SYN2: variants seen among roughly 807,000 people sequenced by gnomAD.
SYN2 encodes synapsin II, also known as synapsin-2.
Under a neutral mutation model 50.9 loss-of-function variants are expected in SYN2, and 19 were observed. The observed-to-expected ratio is 0.37, with a 90% CI of 0.26 to 0.55. The LOEUF is 0.55. Among genes scored for constraint, SYN2 ranks in the 20% least tolerant of loss-of-function variants. The pLI, the probability that SYN2 is intolerant of heterozygous loss-of-function variation, is 0.81. For synonymous variants in SYN2, 255 were observed against 224.9 expected (o/e 1.13, Z -1.20); for missense variants, 587 against 576.4 (o/e 1.02, Z -0.19).
chr3:12,060,497 G>A (rs79779580), intron 1 of SYN2, among the ~76,000 whole-genome samples: 2 of 152,280 alleles, frequency 1.3e-5, no homozygotes, highest in Non-Finnish European at 2.9e-5. Flanking sequence ...GAAGGTGACA[G>A]GCCCACTGAA....
Position 12,141,952 on chromosome 3 carries a change from T to C in SYN2, c.483T>C (p.Tyr161=), listed in dbSNP as rs770569633. ...LNLVAHADGT[Y]AVDMQVLRNG... is the part of the protein sequence containing the mutation. ...TGGTGGCCCATGCAGATGGCACCTA[T>C]GCTGTGGATATGCAGGTTCTCCGGA... The change falls in exon 3 of 13, where the codon TAT becomes TAC. Residue 161 remains tyrosine (Y), a synonymous_variant. Coordinates refer to ENST00000621198, the MANE Select transcript of SYN2 (RefSeq NM_133625.6). 1 of 780,872 alleles carries C rather than the reference T, an allele frequency of 1.3e-6. No individual in the cohort carries two copies. 48.4% of individuals were successfully genotyped at this position (780,872 alleles called of 1,614,324 possible). A position where few individuals can be genotyped will look rare whatever the true frequency, so the allele number is the denominator to read the frequency against.
chr3:12,019,657 GAA>G, intron 1 of SYN2, among the ~76,000 whole-genome samples: 1 of 152,228 alleles, frequency 6.6e-6, no homozygotes. Context: ...CCCTTGGAAG[GAA>G]ATTGTAGTAT....
intron 1 of SYN2, among the ~76,000 whole-genome samples, chr3:12,045,310 A>G (rs1483182998): frequency 6.6e-6 from 1 of 152,218 alleles, no homozygotes; most frequent in African/African-American, 2.4e-5. Flanking sequence ...TTTCTGATGC[A>G]GTAAAAAGGA....
At chr3:12,006,950 G>A (rs1470243582) in intron 1 of SYN2, among the ~76,000 whole-genome samples, 1 of 152,192 alleles carries the variant, frequency 6.6e-6, no homozygotes, top group African/African-American at 2.4e-5. Flanking sequence ...TTCTGTGCAG[G>A]AATTTGACCC....
At chr3:12,007,540 G>A (rs1456415909) in intron 1 of SYN2, among the ~76,000 whole-genome samples, 1 of 152,164 alleles carries the variant, frequency 6.6e-6, no homozygotes, top group Middle Eastern at 3.2e-3. Flanking sequence ...TAGTAAAATT[G>A]TCTCACAGTT....
chr3:12,074,162 A>G (rs1040923927), intron 1 of SYN2, among the ~76,000 whole-genome samples: 2 of 152,048 alleles, frequency 1.3e-5, no homozygotes, highest in Non-Finnish European at 2.9e-5. Flanking sequence ...AGTTTTGTCT[A>G]ATTTTAGCCT....
At chr3:12,081,353 T>C (rs889713631) in intron 1 of SYN2, among the ~76,000 whole-genome samples, 7 of 152,218 alleles carry the variant, frequency 4.6e-5, no homozygotes, top group African/African-American at 1.7e-4. Context: ...GTTCCAGATA[T>C]TTTGTATTTC....
chr3:12,019,897 C>CT (rs2125134960), intron 1 of SYN2, among the ~76,000 whole-genome samples: 1 of 152,256 alleles, frequency 6.6e-6, no homozygotes, highest in East Asian at 1.9e-4. Flanking sequence ...ACTCTGTACC[C>CT]TTTCTCTGTG....
chr3:12,096,919 A>G (rs748822030), intron 1 of SYN2, among the ~76,000 whole-genome samples: 10 of 152,186 alleles, frequency 6.6e-5, no homozygotes, highest in Non-Finnish European at 1.5e-4. Context: ...AAGTATACCA[A>G]CATAAACAAT....
At chr3:12,068,412 C>T (rs892635251) in intron 1 of SYN2, among the ~76,000 whole-genome samples, 9 of 152,130 alleles carry the variant, frequency 5.9e-5, no homozygotes, top group Non-Finnish European at 1.3e-4. Context: ...TCCCTGAAAG[C>T]ATTTGGAATT....
chr3:12,013,261 C>G lies in SYN2; in HGVS notation c.377+8333C>G, dbSNP rs567674486. ...CAAGATTACAGGCATGAGCCACCAC[C>G]CCCAGCCTCTTTGTTCTCTTCATAC... On this transcript the variant is annotated intron_variant, in intron 1 of 12. Transcript: ENST00000621198. 6.6e-5 allele frequency among the ~76,000 whole-genome samples: 10 copies of G among 152,274 alleles called. No individual in the cohort carries two copies. The South Asian group carries it at 1.9e-3, about 28-fold the overall frequency.
Position 12,191,396 on chromosome 3 carries a change from G to T in SYN2, c.*771G>T, listed in dbSNP as rs1186584028. 3 of 165,306 alleles carry T rather than the reference G, an allele frequency of 1.8e-5. No homozygotes were observed. Among genetic ancestry groups the T allele is most frequent in the African/African-American group, 7.2e-5 (3 of 41,636 alleles). 10.2% of individuals were successfully genotyped at this position (165,306 alleles called of 1,614,324 possible). On this transcript the variant is annotated 3_prime_UTR_variant, in exon 13 of 13. Transcript: ENST00000621198. ...GACCTTTGGTGTAATAAAAGCAGCA[G>T]CATTCACCAACATTTGATTCAGCCA...
intron 1 of SYN2, among the ~76,000 whole-genome samples, chr3:12,130,649 T>TG (rs1392640505): frequency 8.5e-5 from 13 of 152,340 alleles, no homozygotes; most frequent in African/African-American, 3.1e-4. Context: ...TGGGCACCTG[T>TG]GGCCTAATCA....
intron 1 of SYN2, among the ~76,000 whole-genome samples, chr3:12,035,968 C>T (rs771119715): frequency 2.6e-5 from 4 of 152,306 alleles, no homozygotes; most frequent in South Asian, 2.1e-4. Flanking sequence ...GGGAACCAAA[C>T]ATTTTATGGC....
In SYN2 at chr3:12,162,082, C is replaced by G. The variant is rs200532588; in HGVS notation, c.908C>G (p.Thr303Ser). The stretch of plus-strand genomic sequence containing the variant: ...GTGGCTCTCACCCAGACCTATGCCA[C>G]TGCAGAGCCTTTCATTGACTCCAAG... ...SVVALTQTYA[T>S]AEPFIDSKYD... Residue 303 changes from threonine to serine, a missense_variant, in exon 7 of 13, where the codon ACT (threonine) becomes AGT (serine). Thr to Ser is a moderately conservative substitution (Grantham distance 58). Coordinates refer to ENST00000621198, the MANE Select transcript of SYN2 (RefSeq NM_133625.6). The G allele has an allele frequency of 1.2e-6, 2 of 1,614,138 alleles. No individual in the cohort carries two copies. The highest frequency in any genetic ancestry group is 2.2e-5 in the South Asian group (2 of 91,078).
At chr3:12,125,640 TATC>T (rs910287271) in intron 1 of SYN2, among the ~76,000 whole-genome samples, 3 of 152,126 alleles carry the variant, frequency 2.0e-5, no homozygotes, top group African/African-American at 4.8e-5. Flanking sequence ...CTGAAAACCT[TATC>T]ATAGGAGGAA....
chr3:12,012,648 T>G (rs1031550551), intron 1 of SYN2, among the ~76,000 whole-genome samples: 8 of 152,208 alleles, frequency 5.3e-5, no homozygotes, highest in African/African-American at 1.9e-4. Context: ...CACAGCTGCC[T>G]TTGTTTGGAA....
chr3:12,175,140 C>G (rs925333797), intron 10 of SYN2, among the ~76,000 whole-genome samples: 4 of 152,220 alleles, frequency 2.6e-5, no homozygotes, highest in African/African-American at 9.6e-5. Flanking sequence ...TTATTATCAA[C>G]ATATGATAGC....
At chr3:12,067,254 T>C (rs11716141) in intron 1 of SYN2, among the ~76,000 whole-genome samples, 14,334 of 152,182 alleles carry the variant, frequency 0.094, 811 homozygotes, top group East Asian at 0.17. Context: ...GAATGAGTCA[T>C]ATCAAGGTTT....
Sources: gnomAD v4.1 joint callset for allele counts (sites outside exome capture counted in the v4.1 genomes callset) on GRCh38, gnomAD v4.1.1 for gene constraint, MANE v1.5 for transcripts, NCBI Gene and HGNC (gene_info 2026-07-23, HGNC 2026-07-21) for gene names.